The following UNC13C variants were observed in gnomAD, a reference collection of about 807,000 sequenced individuals.
UNC13C encodes the protein protein unc-13 homolog C.
UNC13C carries 174 observed loss-of-function variants against 245.4 expected under a neutral mutation model. The ratio of observed to expected loss-of-function variants is 0.71; its 90% CI spans 0.63 to 0.80. UNC13C has a LOEUF of 0.80. UNC13C is among the 30% of genes least tolerant of loss of function. UNC13C has a pLI of 0.00. For synonymous variants in UNC13C, 992 were observed against 895.1 expected, an observed-to-expected ratio of 1.11 and a Z score of -1.93; for missense variants, 2,829 against 2,602.9, an observed-to-expected ratio of 1.09 and a Z score of -1.89.
At chr15:54,283,080 G>C (rs1240070807) in intron 10 of UNC13C, among the ~76,000 whole-genome samples, 1 of 152,190 alleles carries the variant, frequency 6.6e-6, no homozygotes, top group Non-Finnish European at 1.5e-5. Context: ...GGATCAGTCA[G>C]AGGATAGCAC....
chr15:54,489,519 A>G (rs1471144142), intron 19 of UNC13C, among the ~76,000 whole-genome samples: 1 of 152,232 alleles, frequency 6.6e-6, no homozygotes, highest in Non-Finnish European at 1.5e-5. Context: ...ATGTATATGT[A>G]TGCAAGAAGA....
chr15:53,974,042 A>G (rs530151620), upstream of UNC13C, among the ~76,000 whole-genome samples: 21 of 152,328 alleles, frequency 1.4e-4, no homozygotes, highest in African/African-American at 4.1e-4. Flanking sequence ...GTACAACCAG[A>G]TAAGTCTTGC....
intron 16 of UNC13C, among the ~76,000 whole-genome samples, 169 bp from the exon 17 acceptor site, chr15:54,338,192 T>C (rs2038639689): frequency 6.6e-6 from 1 of 152,238 alleles, no homozygotes; most frequent in African/African-American, 2.4e-5. Context: ...TAAGTTTTTA[T>C]ATCAGAAAGT....
intron 19 of UNC13C, among the ~76,000 whole-genome samples, chr15:54,467,686 G>A (rs576606174): frequency 2.6e-5 from 4 of 151,612 alleles, no homozygotes; most frequent in African/African-American, 9.6e-5. Context: ...CTAATTCTTT[G>A]AGTTTGACTT....
At chr15:54,426,536 A>G (rs943582062) in intron 19 of UNC13C, among the ~76,000 whole-genome samples, 27 of 151,612 alleles carry the variant, frequency 1.8e-4, no homozygotes, top group African/African-American at 6.5e-4. Context: ...ACCCAATCAC[A>G]GAAGTGAGAA....
intron 17 of UNC13C, among the ~76,000 whole-genome samples, chr15:54,376,512 A>C (rs2039610355): frequency 1.3e-5 from 2 of 152,146 alleles, no homozygotes; most frequent in African/African-American, 4.8e-5. Flanking sequence ...TATGAGTAAC[A>C]AGTTTTATTG....
intron 4 of UNC13C, among the ~76,000 whole-genome samples, chr15:54,230,698 CAAAA>C (rs1283478251): frequency 6.6e-6 from 1 of 151,598 alleles, no homozygotes; most frequent in Non-Finnish European, 1.5e-5. Context: ...AACTGAGAAA[CAAAA>C]GAAAACCACT....
At chr15:54,219,330 C>G (rs1177038012) in intron 4 of UNC13C, among the ~76,000 whole-genome samples, 7 of 151,650 alleles carry the variant, frequency 4.6e-5, no homozygotes, top group East Asian at 1.9e-4. Context: ...ACAAACCTGA[C>G]AAAAACAAGC....
chr15:54,065,839 C>T (rs1013240644), intron 2 of UNC13C, among the ~76,000 whole-genome samples: 7 of 152,278 alleles, frequency 4.6e-5, no homozygotes, highest in Admixed American at 2.6e-4. Context: ...CTACTCTCTG[C>T]TATCCTCGTT....
chr15:53,927,829 G>A, the UNC13C span, among the ~76,000 whole-genome samples: 1 of 152,146 alleles, frequency 6.6e-6, no homozygotes, highest in African/African-American at 2.4e-5. Flanking sequence ...GAAGAGCAGG[G>A]AGCTTGGAAG....
intron 2 of UNC13C, among the ~76,000 whole-genome samples, chr15:54,082,616 T>C (rs1899013242): frequency 6.6e-6 from 1 of 152,208 alleles, no homozygotes; most frequent in Non-Finnish European, 1.5e-5. Context: ...AGAGAGCTAA[T>C]GTAATCTTTT....
At chr15:54,078,116 G>C (rs967678810) in intron 2 of UNC13C, among the ~76,000 whole-genome samples, 6 of 152,170 alleles carry the variant, frequency 3.9e-5, no homozygotes, top group African/African-American at 4.8e-5. Flanking sequence ...ATAGCCTCCA[G>C]CTCCATCCAT....
intron 2 of UNC13C, among the ~76,000 whole-genome samples, chr15:54,077,315 A>G (rs1183543823): frequency 6.6e-6 from 1 of 151,248 alleles, no homozygotes; most frequent in Non-Finnish European, 1.5e-5. Flanking sequence ...TTCTTCAGCA[A>G]GATTTTCATT....
chr15:54,396,047 A>G (rs2040062739), intron 18 of UNC13C, among the ~76,000 whole-genome samples: 1 of 151,422 alleles, frequency 6.6e-6, no homozygotes, highest in Non-Finnish European at 1.5e-5. Flanking sequence ...GTACTTTCAG[A>G]TTTAGGTCCA....
chr15:53,964,323 G>A, the UNC13C span, among the ~76,000 whole-genome samples: 1 of 152,112 alleles, frequency 6.6e-6, no homozygotes, highest in East Asian at 1.9e-4. Context: ...TGGTATGATT[G>A]ATCTGTCTCC....
At chr15:54,037,857 A>G (rs1417876209) in intron 2 of UNC13C, among the ~76,000 whole-genome samples, 2 of 151,408 alleles carry the variant, frequency 1.3e-5, no homozygotes, top group Admixed American at 6.6e-5. Flanking sequence ...TTTTATTAAT[A>G]TTTGTATAGT....
At chr15:54,480,416 C>CTTTTTTTTTTTTTTTTTTTTTTTTT (rs58297037) in intron 19 of UNC13C, among the ~76,000 whole-genome samples, 1 of 142,512 alleles carries the variant, frequency 7.0e-6, no homozygotes. Flanking sequence ...TTTTTTTACT[C>CTTTTTTTTTTTTTTTTTTTTTTTTT]TTTTTTTTTT....
chr15:54,571,384 C>T (rs1463258510), intron 30 of UNC13C, among the ~76,000 whole-genome samples: 5 of 152,152 alleles, frequency 3.3e-5, no homozygotes, highest in African/African-American at 4.8e-5. Context: ...GATAGCAACA[C>T]AGGAAAAACC....
chr15:54,292,101 A>G (rs74015127), intron 10 of UNC13C, among the ~76,000 whole-genome samples: 2,240 of 152,098 alleles, frequency 0.015, 63 homozygotes, highest in African/African-American at 0.051. Context: ...GTAATTTTTC[A>G]AAATGGAAAG....
Sources: gnomAD v4.1 joint callset for allele counts (sites outside exome capture counted in the v4.1 genomes callset) on GRCh38, gnomAD v4.1.1 for gene constraint, MANE v1.5 for transcripts, NCBI Gene and HGNC (gene_info 2026-07-23, HGNC 2026-07-21) for gene names.